TEK: variants seen among roughly 807,000 people sequenced by gnomAD.
The protein encoded by TEK is TEK receptor tyrosine kinase.
In TEK, 43 loss-of-function variants were observed where a neutral mutation model predicts 131.8. The ratio of observed to expected loss-of-function variants is 0.33; its 90% CI spans 0.26 to 0.42. The LOEUF is 0.42. Among genes scored for constraint, TEK ranks in the 10% least tolerant of loss-of-function variants. The pLI, the probability that TEK is intolerant of heterozygous loss-of-function variation, is 1.00. For missense variants in TEK, 1,162 were observed against 1,384.4 expected (o/e 0.84, Z 2.55); for synonymous variants, 580 against 491.6 (o/e 1.18, Z -2.38).
At chr9:27,222,291 A>G (rs2131252768) in intron 21 of TEK, among the ~76,000 whole-genome samples, 1 of 152,338 alleles carries the variant, frequency 6.6e-6, no homozygotes, top group East Asian at 1.9e-4. Context: ...AACCCTCTTC[A>G]GGATATCACC....
At chr9:27,192,002 G>C in intron 10 of TEK, 2 of 452,052 alleles carry the variant, frequency 4.4e-6, no homozygotes, top group Non-Finnish European at 4.4e-6. Context: ...TTGTTTATGG[G>C]TGCTATTTTC....
chr9:27,175,802 C>T (rs930923880), intron 6 of TEK, among the ~76,000 whole-genome samples: 5 of 152,036 alleles, frequency 3.3e-5, no homozygotes, highest in Non-Finnish European at 5.9e-5. Flanking sequence ...AGAAGTGTCT[C>T]TTCATATCCT....
At position 27,220,040 on chromosome 9, in the gene TEK, G is replaced by A; in HGVS notation, c.3104-9G>A. 6.2e-7 allele frequency: 1 copy of A among 1,613,974 alleles called. No homozygotes were observed. The highest frequency in any genetic ancestry group is 8.5e-7 in the Non-Finnish European group (1 of 1,179,904). ...GAGAGGACTTAGAGTGGCACTGTTT[G>A]TCTTCCAGGAGGCACACCCTACTGC... On this transcript the variant is annotated splice_polypyrimidine_tract_variant and intron_variant, in intron 20 of 22. Coordinates refer to ENST00000380036, the MANE Select transcript of TEK (RefSeq NM_000459.5).
At chr9:27,210,535 G>A in intron 16 of TEK, 1 of 166,496 alleles carries the variant, frequency 6.0e-6, no homozygotes, top group Non-Finnish European at 1.3e-5. Flanking sequence ...TGACCCCACT[G>A]CAGATCTAAG....
chr9:27,138,852 C>T (rs777043256), intron 1 of TEK, among the ~76,000 whole-genome samples: 4 of 152,102 alleles, frequency 2.6e-5, no homozygotes, highest in Non-Finnish European at 5.9e-5. Flanking sequence ...GTCCTGGAAC[C>T]AATCCCCTGT....
intron 1 of TEK, among the ~76,000 whole-genome samples, chr9:27,133,679 CA>C (rs1216603268): frequency 1.3e-5 from 2 of 152,104 alleles, no homozygotes; most frequent in African/African-American, 4.8e-5. Flanking sequence ...CGAGGGGTTC[CA>C]AAGGAGATGC....
intron 1 of TEK, among the ~76,000 whole-genome samples, chr9:27,137,899 T>C (rs1822547715): frequency 6.6e-6 from 1 of 152,106 alleles, no homozygotes; most frequent in Non-Finnish European, 1.5e-5. Flanking sequence ...ACCCTTGCGG[T>C]GAGTGTTACA....
chr9:27,137,469 A>C (rs995889180), intron 1 of TEK, among the ~76,000 whole-genome samples: 3 of 152,096 alleles, frequency 2.0e-5, no homozygotes, highest in Non-Finnish European at 4.4e-5. Context: ...AAAAGAATAG[A>C]TACCTAATTT....
intron 1 of TEK, among the ~76,000 whole-genome samples, chr9:27,138,156 G>A (rs1436185218): frequency 6.6e-6 from 1 of 152,232 alleles, no homozygotes; most frequent in African/African-American, 2.4e-5. Flanking sequence ...AGGTAGTGCA[G>A]ACCCAAAGAG....
At chr9:27,190,715 C>T (rs749565021) in intron 10 of TEK, 25 bp downstream of exon 10, 1 of 1,613,500 alleles carries the variant, frequency 6.2e-7, no homozygotes, top group South Asian at 1.1e-5. Flanking sequence ...GGATAGATGC[C>T]AGCTGGGGAT....
chr9:27,169,778 G>A, intron 4 of TEK, 149 bp downstream of exon 4: 2 of 1,127,516 alleles, frequency 1.8e-6, no homozygotes, highest in South Asian at 1.3e-5. Context: ...ATGCTGCAAA[G>A]CAAATGAATA....
At chr9:27,131,371 T>G (rs1157251961) in intron 1 of TEK, among the ~76,000 whole-genome samples, 1 of 150,178 alleles carries the variant, frequency 6.7e-6, no homozygotes, top group Non-Finnish European at 1.5e-5. Context: ...TCCAGCTACT[T>G]GGGAGGCTGA....
chr9:27,179,357 A>C (rs1824280342), intron 6 of TEK, among the ~76,000 whole-genome samples: 2 of 152,190 alleles, frequency 1.3e-5, no homozygotes, highest in African/African-American at 4.8e-5. Context: ...TGTTATGAAC[A>C]TATCTTCTTT....
At position 27,185,233 on chromosome 9, in the gene TEK, G is replaced by T. The variant is rs997459257; in HGVS notation, c.1183-252G>T. Among the ~76,000 whole-genome samples the T allele has an allele frequency of 4.6e-5, 7 of 152,254 alleles. No homozygotes were observed. The South Asian group carries it at 1.0e-3, about 23-fold the overall frequency. On this transcript the variant is annotated intron_variant, in intron 8 of 22. Transcript: ENST00000380036. ...AAATCATGCTTCAGGTGTCTTGCTTGTAAGTGTTTACCCCGTACTCCTAAA... is the reference window on the plus strand; with the variant it reads ...AAATCATGCTTCAGGTGTCTTGCTTTTAAGTGTTTACCCCGTACTCCTAAA...
chr9:27,151,613 C>T (rs1385872706), intron 1 of TEK, among the ~76,000 whole-genome samples: 2 of 152,184 alleles, frequency 1.3e-5, no homozygotes, highest in Non-Finnish European at 2.9e-5. Flanking sequence ...TATGGTGTCT[C>T]ATAAGCATCT....
At chr9:27,229,105 G>T in intron 22 of TEK, 53 bp from the exon 23 acceptor site, 1 of 1,547,848 alleles carries the variant, frequency 6.5e-7, no homozygotes, top group Non-Finnish European at 8.9e-7. Flanking sequence ...ACTGCCGCTG[G>T]CAGAGGTGGA....
At chr9:27,197,620 C>G in intron 12 of TEK, 21 bp downstream of exon 12, 1 of 1,613,450 alleles carries the variant, frequency 6.2e-7, no homozygotes, top group African/African-American at 1.3e-5. Context: ...CATGCTGCTC[C>G]AGCCTCATCT....
chr9:27,113,814 A>C (rs545541819), intron 1 of TEK, among the ~76,000 whole-genome samples: 1 of 152,112 alleles, frequency 6.6e-6, no homozygotes, highest in Non-Finnish European at 1.5e-5. Flanking sequence ...CACTTTGCCA[A>C]CTACCCATCT....
chr9:27,205,674 T>C (rs538976284), intron 14 of TEK, among the ~76,000 whole-genome samples: 22 of 152,282 alleles, frequency 1.4e-4, no homozygotes, highest in African/African-American at 5.1e-4. Context: ...CAAAGGCCTA[T>C]AAAAATCACA....
Sources: allele counts gnomAD v4.1 joint callset (sites outside exome capture counted in the v4.1 genomes callset), GRCh38; gene constraint gnomAD v4.1.1; transcripts MANE v1.5; gene names NCBI Gene and HGNC (gene_info 2026-07-23, HGNC 2026-07-21).